The following LARGE1 variants were observed in gnomAD, a reference collection of about 807,000 sequenced individuals.
LARGE1 encodes xylosyl- and glucuronyltransferase LARGE1.
LARGE1 carries 43 observed loss-of-function variants against 87.6 expected under a neutral mutation model. The ratio of observed to expected loss-of-function variants is 0.49; its 90% CI spans 0.38 to 0.63. The LOEUF is 0.63. Among genes scored for constraint, LARGE1 ranks in the 30% least tolerant of loss-of-function variants. The pLI is 0.00. For missense variants in LARGE1, 802 were observed against 1,000.2 expected (o/e 0.80, Z 2.67); for synonymous variants, 434 against 394.6 (o/e 1.10, Z -1.18).
intron 1 of LARGE1, among the ~76,000 whole-genome samples, chr22:33,888,009 G>T (rs78765991): frequency 0.037 from 5,634 of 152,258 alleles, 110 homozygotes; most frequent in Middle Eastern, 0.078. Flanking sequence ...GAAGATGGTG[G>T]CCCCACCCTG....
intron 2 of LARGE1, among the ~76,000 whole-genome samples, chr22:33,687,586 G>A (rs952691464): frequency 5.9e-5 from 9 of 152,120 alleles, no homozygotes; most frequent in South Asian, 2.1e-4. Flanking sequence ...TCCAGGAGGC[G>A]TCGCATGTTC....
At chr22:33,735,541 G>A (rs1257014418) in intron 2 of LARGE1, among the ~76,000 whole-genome samples, 1 of 152,122 alleles carries the variant, frequency 6.6e-6, no homozygotes, top group East Asian at 1.9e-4. Context: ...CCCCAGCAGT[G>A]GAGGAAAGGG....
intron 10 of LARGE1, among the ~76,000 whole-genome samples, chr22:33,325,640 C>G (rs559018676): frequency 2.6e-5 from 4 of 152,176 alleles, no homozygotes; most frequent in Admixed American, 1.3e-4. Flanking sequence ...ATGCTTGTAG[C>G]CTGTAAGTGA....
chr22:33,591,128 G>A (rs1373330521), intron 5 of LARGE1, among the ~76,000 whole-genome samples: 3 of 152,214 alleles, frequency 2.0e-5, no homozygotes, highest in Non-Finnish European at 2.9e-5. Context: ...TTGAACCCGC[G>A]AGGCGGAGGT....
chr22:33,136,160 T>A, the LARGE1 span, among the ~76,000 whole-genome samples: 18 of 152,206 alleles, frequency 1.2e-4, no homozygotes. Flanking sequence ...CAAAAGTTCA[T>A]ATTCTTAAAA....
At chr22:33,548,282 G>A (rs548189324) in intron 6 of LARGE1, among the ~76,000 whole-genome samples, 3 of 152,118 alleles carry the variant, frequency 2.0e-5, no homozygotes, top group Admixed American at 1.3e-4. Flanking sequence ...GCCTGCCCCC[G>A]CTCTGCCTTC....
At chr22:33,277,599 G>C (rs1929591777) in intron 13 of LARGE1, among the ~76,000 whole-genome samples, 1 of 152,182 alleles carries the variant, frequency 6.6e-6, no homozygotes, top group Non-Finnish European at 1.5e-5. Flanking sequence ...GATGACGGGT[G>C]CATCTATAAA....
intron 6 of LARGE1, among the ~76,000 whole-genome samples, chr22:33,549,092 T>A (rs1300278771): frequency 6.6e-6 from 1 of 152,174 alleles, no homozygotes; most frequent in African/African-American, 2.4e-5. Flanking sequence ...TTGACAGTGT[T>A]CCTTTAAAAG....
At chr22:33,216,922 G>A (rs1023960336) in intron 11 of LARGE1, among the ~76,000 whole-genome samples, 1 of 152,184 alleles carries the variant, frequency 6.6e-6, no homozygotes, top group African/African-American at 2.4e-5. Context: ...AGCATTTGCT[G>A]CAGGTGCTCA....
intron 1 of LARGE1, among the ~76,000 whole-genome samples, chr22:33,854,980 G>C (rs1358943654): frequency 6.6e-6 from 1 of 152,178 alleles, no homozygotes; most frequent in African/African-American, 2.4e-5. Context: ...ATTCAGCAGA[G>C]AGAGAGAGCA....
chr22:33,433,475 A>G (rs920546894), intron 6 of LARGE1, among the ~76,000 whole-genome samples: 3 of 152,046 alleles, frequency 2.0e-5, no homozygotes, highest in Non-Finnish European at 4.4e-5. Flanking sequence ...GGGCACCTGT[A>G]GTCCCAGCTA....
chr22:33,221,319 G>A (rs552668405), intron 11 of LARGE1, among the ~76,000 whole-genome samples: 87 of 152,162 alleles, frequency 5.7e-4, no homozygotes, highest in African/African-American at 1.9e-3. Flanking sequence ...GTTTTTTTCC[G>A]TATCTCAATT....
Position 33,274,099 on chromosome 22 carries a change from A to T in LARGE1, c.*328T>A. ...ATAATTATTAAAAAGCATCCAGAAC[A>T]TCCTAAAGCCCTGCCCTGATCTTGT... On this transcript the variant is annotated 3_prime_UTR_variant, in exon 15 of 15. Coordinates refer to ENST00000397394, the MANE Select transcript of LARGE1 (RefSeq NM_133642.5). 2.1e-6 allele frequency: 1 copy of T among 479,568 alleles called. No homozygotes were observed. Among genetic ancestry groups the T allele is most frequent in the Non-Finnish European group, 3.8e-6 (1 of 264,790 alleles). 29.7% of individuals were successfully genotyped at this position (479,568 alleles called of 1,614,324 possible). A position where few individuals can be genotyped will look rare whatever the true frequency, so the allele number is the denominator to read the frequency against.
chr22:33,833,504 C>A (rs529216056), intron 1 of LARGE1, among the ~76,000 whole-genome samples: 2 of 152,224 alleles, frequency 1.3e-5, no homozygotes, highest in Admixed American at 6.5e-5. Context: ...GAGAGAGGCC[C>A]TGGAAGAAGC....
chr22:33,579,384 C>T (rs1348658734), intron 5 of LARGE1, among the ~76,000 whole-genome samples: 1 of 152,212 alleles, frequency 6.6e-6, no homozygotes, highest in Non-Finnish European at 1.5e-5. Context: ...AGTTAAATCT[C>T]TTTCTTTTGT....
chr22:33,710,500 C>T (rs905988243), intron 2 of LARGE1, among the ~76,000 whole-genome samples: 1 of 152,210 alleles, frequency 6.6e-6, no homozygotes, highest in African/African-American at 2.4e-5. Context: ...AAAGGAACAA[C>T]TCGTCCCTGG....
intron 11 of LARGE1, among the ~76,000 whole-genome samples, chr22:33,191,822 T>C (rs959411240): frequency 4.6e-5 from 7 of 152,200 alleles, no homozygotes; most frequent in African/African-American, 1.7e-4. Flanking sequence ...AAATTTAAAA[T>C]TGAACAGAAC....
chr22:33,817,850 G>A (rs932943172), intron 1 of LARGE1, among the ~76,000 whole-genome samples: 3 of 151,898 alleles, frequency 2.0e-5, no homozygotes, highest in Non-Finnish European at 4.4e-5. Context: ...GGGGGTCAGC[G>A]GTAAGGTAGG....
intron 1 of LARGE1, among the ~76,000 whole-genome samples, chr22:33,848,766 C>T (rs2063502932): frequency 6.6e-6 from 1 of 152,236 alleles, no homozygotes; most frequent in East Asian, 1.9e-4. Context: ...CAGAGGGCCT[C>T]TGAGGCAGAG....
Sources: allele counts gnomAD v4.1 joint callset (sites outside exome capture counted in the v4.1 genomes callset), GRCh38; gene constraint gnomAD v4.1.1; transcripts MANE v1.5; gene names NCBI Gene and HGNC (gene_info 2026-07-23, HGNC 2026-07-21).